PTPRT: variants seen among roughly 807,000 people sequenced by gnomAD.
The protein encoded by PTPRT is receptor-type tyrosine-protein phosphatase T.
Under a neutral mutation model 176.8 loss-of-function variants are expected in PTPRT, and 56 were observed. The ratio of observed to expected loss-of-function variants is 0.32; its 90% confidence interval spans 0.26 to 0.40. The LOEUF (loss-of-function observed/expected upper bound fraction) is 0.40, where lower values mean the gene tolerates loss of function less well. Ranked by LOEUF, PTPRT falls within the 10% of genes least tolerant of loss-of-function variation. The pLI is 1.00. For synonymous variants in PTPRT, 783 were observed against 739.0 expected, an observed-to-expected ratio of 1.06 and a Z score of -0.96; for missense variants, 1,540 against 1,908.2, an observed-to-expected ratio of 0.81 and a Z score of 3.60.
intron 7 of PTPRT, among the ~76,000 whole-genome samples, chr20:42,651,864 T>C (rs537482070): frequency 2.0e-5 from 3 of 152,088 alleles, no homozygotes; most frequent in Admixed American, 2.0e-4. Context: ...CTGGCCAAAA[T>C]GGTAAAACCC....
At chr20:42,544,392 T>C (rs1444927078) in intron 7 of PTPRT, among the ~76,000 whole-genome samples, 1 of 152,222 alleles carries the variant, frequency 6.6e-6, no homozygotes, top group African/African-American at 2.4e-5. Context: ...TTTCTTCTGC[T>C]ACTTCCTCAC....
intron 2 of PTPRT, among the ~76,000 whole-genome samples, chr20:42,851,257 C>T (rs208265): frequency 0.45 from 68,760 of 152,054 alleles, 16,979 homozygotes; most frequent in African/African-American, 0.65. Flanking sequence ...TGGTGTGACA[C>T]TGAGAATAAC....
At chr20:42,273,460 C>T (rs2147012545) in intron 13 of PTPRT, among the ~76,000 whole-genome samples, 1 of 152,288 alleles carries the variant, frequency 6.6e-6, no homozygotes, top group African/African-American at 2.4e-5. Context: ...GGTGATCCAC[C>T]CGCCTCAGCC....
At chr20:42,955,441 C>G (rs1192837232) in intron 1 of PTPRT, among the ~76,000 whole-genome samples, 1 of 152,200 alleles carries the variant, frequency 6.6e-6, no homozygotes, top group Non-Finnish European at 1.5e-5. Flanking sequence ...CTGGAAAGCA[C>G]AGTTCAAGGA....
intron 7 of PTPRT, among the ~76,000 whole-genome samples, chr20:42,610,278 T>G (rs877440): frequency 0.11 from 16,979 of 152,248 alleles, 2,342 homozygotes; most frequent in African/African-American, 0.33. Context: ...GTGTCACCCT[T>G]GTGAGCACTT....
chr20:42,169,387 A>G (rs776943366), intron 16 of PTPRT, among the ~76,000 whole-genome samples: 1 of 152,000 alleles, frequency 6.6e-6, no homozygotes, highest in Non-Finnish European at 1.5e-5. Context: ...CAGCACTCAC[A>G]CCAGATGGAA....
chr20:42,099,217 TGC>T (rs1315525278), intron 26 of PTPRT, among the ~76,000 whole-genome samples: 142 of 151,740 alleles, frequency 9.4e-4, no homozygotes, highest in African/African-American at 3.2e-3. Context: ...CTTTGTAGAG[TGC>T]TTTTTTTTTG....
At chr20:43,164,515 C>T (rs942051783) in intron 1 of PTPRT, among the ~76,000 whole-genome samples, 1 of 152,164 alleles carries the variant, frequency 6.6e-6, no homozygotes. Flanking sequence ...AAAGAAGGCA[C>T]GTCCCAAGTA....
chr20:42,046,978 T>A, the PTPRT span, among the ~76,000 whole-genome samples: 2 of 152,192 alleles, frequency 1.3e-5, no homozygotes, highest in Non-Finnish European at 2.9e-5. Context: ...GCCTGATACT[T>A]TCACTGTGTT....
intron 2 of PTPRT, among the ~76,000 whole-genome samples, chr20:42,837,242 G>A (rs1329966586): frequency 6.6e-6 from 1 of 152,162 alleles, no homozygotes; most frequent in East Asian, 1.9e-4. Context: ...AGGACCCTTG[G>A]ATCCCCACTG....
chr20:42,611,260 C>T (rs142815318), intron 7 of PTPRT, among the ~76,000 whole-genome samples: 1 of 152,340 alleles, frequency 6.6e-6, no homozygotes, highest in African/African-American at 2.4e-5. Flanking sequence ...TTCAAAGAGG[C>T]TGACCATGTT....
chr20:42,202,538 T>C (rs997575266), intron 15 of PTPRT, among the ~76,000 whole-genome samples: 1 of 152,132 alleles, frequency 6.6e-6, no homozygotes, highest in Admixed American at 6.5e-5. Flanking sequence ...GAAAGAAAAA[T>C]GAGCAATTCT....
At chr20:43,009,762 A>G (rs1985030187) in intron 1 of PTPRT, among the ~76,000 whole-genome samples, 1 of 152,194 alleles carries the variant, frequency 6.6e-6, no homozygotes, top group Non-Finnish European at 1.5e-5. Context: ...GGCATCTGCG[A>G]CGATGGCTAC....
intron 15 of PTPRT, among the ~76,000 whole-genome samples, chr20:42,204,284 T>C (rs546195676): frequency 2.0e-5 from 3 of 147,704 alleles, no homozygotes; most frequent in Admixed American, 1.3e-4. Context: ...GCTGCAGCTA[T>C]AGCATGTTGA....
intron 7 of PTPRT, among the ~76,000 whole-genome samples, chr20:42,590,994 G>A (rs1450961658): frequency 6.6e-6 from 1 of 150,716 alleles, no homozygotes; most frequent in Non-Finnish European, 1.5e-5. Flanking sequence ...ATTCCAAAGA[G>A]GGACTTTTCC....
chr20:42,997,451 C>A (rs1984285669), intron 1 of PTPRT, among the ~76,000 whole-genome samples: 1 of 152,148 alleles, frequency 6.6e-6, no homozygotes, highest in African/African-American at 2.4e-5. Flanking sequence ...ACTGAGCCCT[C>A]CAGCTCATAG....
chr20:42,341,441 G>A (rs548653958), intron 11 of PTPRT, among the ~76,000 whole-genome samples: 4 of 152,124 alleles, frequency 2.6e-5, no homozygotes, highest in East Asian at 3.9e-4. Flanking sequence ...AAAATTAAAC[G>A]ATTCTTCCTT....
At chr20:42,088,503 A>G (rs939440585) in intron 27 of PTPRT, among the ~76,000 whole-genome samples, 48 of 148,324 alleles carry the variant, frequency 3.2e-4, no homozygotes, top group African/African-American at 1.2e-3. Flanking sequence ...GGAAGGATGT[A>G]GGAGATGGAA....
At chr20:43,056,433 C>T (rs531018847) in intron 1 of PTPRT, among the ~76,000 whole-genome samples, 3 of 152,316 alleles carry the variant, frequency 2.0e-5, no homozygotes, top group South Asian at 4.1e-4. Flanking sequence ...CTTCTCCTTG[C>T]CTTGCCCTAT....
Sources: gnomAD v4.1 joint callset for allele counts (sites outside exome capture counted in the v4.1 genomes callset) on GRCh38, gnomAD v4.1.1 for gene constraint, MANE v1.5 for transcripts, NCBI Gene and HGNC (gene_info 2026-07-23, HGNC 2026-07-21) for gene names.